SPMAP2L: variants seen among roughly 807,000 people sequenced by gnomAD.
SPMAP2L encodes sperm microtubule associated protein 2-like.
At chr4:56,535,563 G>C in the SPMAP2L span, among the ~76,000 whole-genome samples, 1 of 152,128 alleles carries the variant, frequency 6.6e-6, no homozygotes. Context: ...AAGAGGGACA[G>C]GAATTGCTCA....
the SPMAP2L span, among the ~76,000 whole-genome samples, chr4:56,574,810 T>A: frequency 8.9e-4 from 135 of 151,996 alleles, 1 homozygote; most frequent in Admixed American, 4.5e-3. Flanking sequence ...TGAAACCCCA[T>A]GTCTACGAAA....
At chr4:56,562,344 C>A in the SPMAP2L span, among the ~76,000 whole-genome samples, 1 of 151,290 alleles carries the variant, frequency 6.6e-6, no homozygotes, top group African/African-American at 2.4e-5. Flanking sequence ...ACATATGTAT[C>A]TTTTGCCCTT....
At chr4:56,538,024 A>G in the SPMAP2L span, among the ~76,000 whole-genome samples, 2 of 152,106 alleles carry the variant, frequency 1.3e-5, no homozygotes, top group Admixed American at 1.3e-4. Context: ...TTTCCTGACA[A>G]GTCTGCCTGT....
At chr4:56,565,184 G>T in the SPMAP2L span, among the ~76,000 whole-genome samples, 3 of 152,120 alleles carry the variant, frequency 2.0e-5, no homozygotes, top group South Asian at 6.2e-4. Flanking sequence ...CAAGTTGGTT[G>T]GTAGTCTTGT....
the SPMAP2L span, among the ~76,000 whole-genome samples, chr4:56,558,469 A>G: frequency 9.2e-5 from 14 of 152,242 alleles, no homozygotes; most frequent in South Asian, 1.0e-3. Flanking sequence ...GTAAGTTTAT[A>G]TATTTACTTG....
chr4:56,604,919 T>A, the SPMAP2L span, among the ~76,000 whole-genome samples: 2 of 152,134 alleles, frequency 1.3e-5, no homozygotes, highest in Non-Finnish European at 2.9e-5. Flanking sequence ...AACCAAACAT[T>A]GTATATTCTC....
At chr4:56,539,633 G>A in the SPMAP2L span, among the ~76,000 whole-genome samples, 1 of 152,098 alleles carries the variant, frequency 6.6e-6, no homozygotes, top group Non-Finnish European at 1.5e-5. Flanking sequence ...TGTTGGCCAG[G>A]CTGGTCTCAA....
chr4:56,562,094 A>G, the SPMAP2L span, among the ~76,000 whole-genome samples: 1 of 152,152 alleles, frequency 6.6e-6, no homozygotes, highest in African/African-American at 2.4e-5. Context: ...ACGGGGGCAA[A>G]GGCAAGCAAG....
At chr4:56,593,435 G>A in the SPMAP2L span, 8 of 1,507,956 alleles carry the variant, frequency 5.3e-6, no homozygotes, top group Non-Finnish European at 7.4e-6. Context: ...GATGTCAGCG[G>A]AGTGTTGTTC....
chr4:56,579,476 T>TAAA, the SPMAP2L span, among the ~76,000 whole-genome samples: 4 of 148,198 alleles, frequency 2.7e-5, no homozygotes, highest in African/African-American at 9.9e-5. Flanking sequence ...ATGCCTATAT[T>TAAA]AAAAAAAAAA....
the SPMAP2L span, among the ~76,000 whole-genome samples, chr4:56,611,591 A>T: frequency 6.6e-6 from 1 of 152,168 alleles, no homozygotes. Flanking sequence ...AACATTTTTT[A>T]AAAAAGGAAA....
chr4:56,601,100 C>T, the SPMAP2L span: 44 of 1,533,628 alleles, frequency 2.9e-5, no homozygotes, highest in African/African-American at 4.7e-4. Flanking sequence ...CTAGCTAATC[C>T]AAATAAGAGG....
At chr4:56,596,733 A>G in the SPMAP2L span, 2 of 1,249,422 alleles carry the variant, frequency 1.6e-6, no homozygotes, top group Non-Finnish European at 2.1e-6. Context: ...TGGAAAAGAG[A>G]ATCTGGGAAG....
At chr4:56,604,210 G>A in the SPMAP2L span, among the ~76,000 whole-genome samples, 1 of 152,112 alleles carries the variant, frequency 6.6e-6, no homozygotes, top group South Asian at 2.1e-4. Flanking sequence ...CTCTGTCATG[G>A]ATTATTTACC....
chr4:56,599,804 T>C, the SPMAP2L span, among the ~76,000 whole-genome samples: 1 of 152,226 alleles, frequency 6.6e-6, no homozygotes, highest in African/African-American at 2.4e-5. Flanking sequence ...AGTCTATCAT[T>C]GATGAGCATT....
chr4:56,623,712 C>T, the SPMAP2L span, among the ~76,000 whole-genome samples: 32 of 152,186 alleles, frequency 2.1e-4, no homozygotes, highest in South Asian at 6.2e-3. Flanking sequence ...TCCACTTTTC[C>T]TTCCTCCTCA....
the SPMAP2L span, among the ~76,000 whole-genome samples, chr4:56,590,617 C>T: frequency 6.6e-6 from 1 of 152,160 alleles, no homozygotes; most frequent in African/African-American, 2.4e-5. Flanking sequence ...GCATGATCCA[C>T]CACACCCAGC....
the SPMAP2L span, among the ~76,000 whole-genome samples, chr4:56,591,724 T>C: frequency 6.6e-6 from 1 of 152,232 alleles, no homozygotes; most frequent in Non-Finnish European, 1.5e-5. Flanking sequence ...TGAATACAAG[T>C]AATTTAAATA....
At chr4:56,559,244 T>G in the SPMAP2L span, 1 of 598,214 alleles carries the variant, frequency 1.7e-6, no homozygotes. Context: ...GAGGTTGCAG[T>G]GAGCCGAGAT....
Sources: allele counts gnomAD v4.1 joint callset (sites outside exome capture counted in the v4.1 genomes callset), GRCh38; gene constraint gnomAD v4.1.1; transcripts MANE v1.5; gene names NCBI Gene and HGNC (gene_info 2026-07-23, HGNC 2026-07-21).